F5: variants seen among roughly 807,000 people sequenced by gnomAD.
The protein encoded by F5 is coagulation factor V, also known as activated protein c cofactor.
Under a neutral mutation model 216.4 loss-of-function variants are expected in F5, and 138 were observed. The observed-to-expected ratio is 0.64, with a 90% CI of 0.56 to 0.73. The LOEUF (loss-of-function observed/expected upper bound fraction) is 0.73, where lower values mean the gene tolerates loss of function less well. Among genes scored for constraint, F5 ranks in the 30% least tolerant of loss-of-function variants. The pLI is 0.00. For missense variants in F5, 2,403 were observed against 2,674.0 expected, an observed-to-expected ratio of 0.90 and a Z score of 2.24; for synonymous variants, 916 against 930.7, an observed-to-expected ratio of 0.98 and a Z score of 0.29.
intron 21 of F5, among the ~76,000 whole-genome samples, chr1:169,521,821 A>C (rs921155427): frequency 1.3e-5 from 2 of 151,728 alleles, no homozygotes; most frequent in South Asian, 4.2e-4. Context: ...GGGTTTCACC[A>C]TGTTGGTCAG....
chr1:169,559,954 C>T (rs1386456015), intron 4 of F5, among the ~76,000 whole-genome samples: 1 of 152,042 alleles, frequency 6.6e-6, no homozygotes, highest in Non-Finnish European at 1.5e-5. Context: ...TGCTGTGGCT[C>T]ACTGTGGTTG....
Position 169,550,654 on chromosome 1 carries a change from GA to G in F5, c.1381del (p.Ser461LeufsTer11). ...AAGATTCAAACCTGAGGTGAAAGAAGAGTTGACTTCATCTTCATAAGGCGAG... is the reference window on the plus strand; with the variant it reads ...AAGATTCAAACCTGAGGTGAAAGAAGGTTGACTTCATCTTCATAAGGCGAG... ...TFSPYEDEVN[S>X]SFTSGRNNTM... On this transcript the variant is annotated frameshift_variant, in exon 9 of 25. Transcript: ENST00000367797. LOFTEE classifies it high-confidence loss of function. 1 of 1,613,248 alleles carries G rather than the reference GA, an allele frequency of 6.2e-7. No individual in the cohort carries two copies. The highest frequency in any genetic ancestry group is 8.5e-7 in the Non-Finnish European group (1 of 1,179,244).
At chr1:169,582,335 T>C (rs901625670) in intron 2 of F5, 96 bp downstream of exon 2, 54 of 672,590 alleles carry the variant, frequency 8.0e-5, no homozygotes, top group Non-Finnish European at 1.3e-4. Context: ...CACGTTTCTA[T>C]AAATTTTCAG....
intron 21 of F5, among the ~76,000 whole-genome samples, chr1:169,522,202 A>C (rs1571560092): frequency 6.6e-6 from 1 of 152,304 alleles, no homozygotes; most frequent in East Asian, 1.9e-4. Context: ...AAAACTGCCC[A>C]AAAAGAAATC....
Position 169,542,906 on chromosome 1 carries a change from G to A in F5, c.2184C>T (p.Asn728=), listed in dbSNP as rs1170120973. The change falls in exon 13 of 25, where the codon AAC becomes AAT. Residue 728 remains asparagine (N), a synonymous_variant. Transcript: ENST00000367797. The part of the protein sequence containing the change: ...EESDADYDYQ[N]RLAAALGIRS... ...TGATTCCTAATGCTGCAGCCAGTCT[G>A]TTCTGGTAATCATAGTCAGCATCAC... 1 of 1,614,092 alleles carries A rather than the reference G, an allele frequency of 6.2e-7. No homozygotes were observed. The highest frequency in any genetic ancestry group is 1.7e-5 in the Admixed American group (1 of 60,010).
At chr1:169,533,295 A>C (rs6670393) in intron 14 of F5, among the ~76,000 whole-genome samples, 37,446 of 152,106 alleles carry the variant, frequency 0.25, 4,799 homozygotes, top group Admixed American at 0.34. Context: ...TCAGACCTCA[A>C]ACTATAAGAA....
intron 2 of F5, among the ~76,000 whole-genome samples, chr1:169,578,834 T>C (rs1253357821): frequency 6.6e-6 from 1 of 152,208 alleles, no homozygotes; most frequent in Admixed American, 6.5e-5. Context: ...GTAGCCATTC[T>C]ACCTAAGGCC....
At chr1:169,560,143 A>G (rs1374875413) in intron 4 of F5, among the ~76,000 whole-genome samples, 1 of 152,156 alleles carries the variant, frequency 6.6e-6, no homozygotes, top group Non-Finnish European at 1.5e-5. Context: ...GTGTTTATAG[A>G]GCAAATTACC....
rs139014843 is a variant in F5, at chr1:169,542,663, T to C, written c.2427A>G (p.Pro809=). The C allele has an allele frequency of 4.2e-5, 67 of 1,613,972 alleles. No homozygotes were observed. Among genetic ancestry groups the C allele is most frequent in the Non-Finnish European group, 5.4e-5 (64 of 1,179,972 alleles). Residue 809 remains proline (P), a synonymous_variant, in exon 13 of 25, where the codon CCA becomes CCG. Transcript: ENST00000367797. ...SHQQATTAGS[P]LRHLIGKNSV... ...AGTTCTTGCCAATGAGGTGTCTCAGTGGGGAACCAGCTGTGGTGGCTTGTT... is the reference window on the plus strand; with the variant it reads ...AGTTCTTGCCAATGAGGTGTCTCAGCGGGGAACCAGCTGTGGTGGCTTGTT...
Position 169,528,093 on chromosome 1 carries a change from G to C in F5, c.5421C>G (p.Ala1807=), listed in dbSNP as rs781369269. ...SEMKKSHEFH[A]INGMIYSLPG... ...GCAAGCTGTAGATCATCCCATTAAT[G>C]GCTGAAAGGACAAAGAGTTGAAATC... The change falls in exon 17 of 25, where the codon GCC becomes GCG. Residue 1807 remains alanine (A), a splice_region_variant and synonymous_variant. Coordinates refer to ENST00000367797, the MANE Select transcript of F5 (RefSeq NM_000130.5). 6.2e-7 allele frequency: 1 copy of C among 1,613,712 alleles called. No homozygotes were observed. Among genetic ancestry groups the C allele is most frequent in the Non-Finnish European group, 8.5e-7 (1 of 1,179,748 alleles).
intron 10 of F5, among the ~76,000 whole-genome samples, chr1:169,547,380 G>T (rs1350192888): frequency 6.6e-6 from 1 of 152,138 alleles, no homozygotes; most frequent in Non-Finnish European, 1.5e-5. Flanking sequence ...CACAGCAAAA[G>T]AAACTATCAA....
chr1:169,547,673 T>A (rs1340851585), intron 10 of F5, among the ~76,000 whole-genome samples: 2 of 151,712 alleles, frequency 1.3e-5, no homozygotes, highest in Admixed American at 1.3e-4. Context: ...TGGCTATTAT[T>A]AAAAAGTCAA....
chr1:169,545,207 T>G (rs572968368), intron 11 of F5, among the ~76,000 whole-genome samples: 4 of 152,204 alleles, frequency 2.6e-5, no homozygotes, highest in Non-Finnish European at 1.5e-5. Flanking sequence ...ACTTTAATAA[T>G]TTACATGATG....
At chr1:169,577,929 C>A (rs116751968) in intron 2 of F5, among the ~76,000 whole-genome samples, 1 of 152,006 alleles carries the variant, frequency 6.6e-6, no homozygotes, top group Non-Finnish European at 1.5e-5. Context: ...AGGCTCATGA[C>A]TTTTTCAGGG....
rs374090395 is a variant in F5, at chr1:169,541,762, G to C, written c.3328C>G (p.Gln1110Glu). 3.7e-6 allele frequency: 6 copies of C among 1,614,004 alleles called. No individual in the cohort carries two copies. ...TAAAGACCTGGAGGACAGCTTGCCT[G>C]ACCAGTGTCATTTGAGGAATTCTGA... ...HNQNSSNDTGQASCPPGLYQT... is the reference protein window; with the variant it reads ...HNQNSSNDTGEASCPPGLYQT... The change falls in exon 13 of 25, where the codon CAG becomes GAG. Residue 1110 changes from glutamine (Q) to glutamate (E), a missense_variant. This residue lies in a region of F5 where 1,425 missense variants were observed against 1,554.8 expected (regional missense o/e 0.92). Coordinates refer to ENST00000367797, the MANE Select transcript of F5 (RefSeq NM_000130.5).
At chr1:169,517,670 G>A (rs943233061) in intron 23 of F5, among the ~76,000 whole-genome samples, 1 of 152,078 alleles carries the variant, frequency 6.6e-6, no homozygotes, top group African/African-American at 2.4e-5. Context: ...ATTACTCAGT[G>A]GGCTAATATC....
intron 3 of F5, among the ~76,000 whole-genome samples, chr1:169,567,558 T>A (rs1398471798): frequency 2.8e-5 from 4 of 144,444 alleles, no homozygotes; most frequent in African/African-American, 9.9e-5. Context: ...TTTTTTTTTT[T>A]TGGTAATAAG....
rs751942054 is a variant in F5 at position 169,582,470 on chromosome 1, G to T, written c.211C>A (p.Pro71Thr). ...FKKIVYREYE[P>T]YFKKEKPQST... ...TGTGGTTTTTCTTTCTTAAAATATGGTTCATACTCTCTGTAGACAATTTTC... is the reference window on the plus strand; with the variant it reads ...TGTGGTTTTTCTTTCTTAAAATATGTTTCATACTCTCTGTAGACAATTTTC... Residue 71 changes from proline (P) to threonine (T), a missense_variant, in exon 2 of 25, where the codon CCA (proline) becomes ACA (threonine). Pro to Thr is a conservative substitution (Grantham distance 38). Transcript: ENST00000367797. 5.1e-6 allele frequency: 8 copies of T among 1,557,578 alleles called. No homozygotes were observed. Among genetic ancestry groups the T allele is most frequent in the South Asian group, 2.3e-5 (2 of 88,060 alleles).
At chr1:169,580,523 A>G (rs913952850) in intron 2 of F5, among the ~76,000 whole-genome samples, 10 of 152,024 alleles carry the variant, frequency 6.6e-5, no homozygotes, top group African/African-American at 2.4e-4. Flanking sequence ...AGCTGGGACT[A>G]CAGGCATGTA....
Sources: gnomAD v4.1 joint callset for allele counts (sites outside exome capture counted in the v4.1 genomes callset) on GRCh38, gnomAD v4.1.1 for gene constraint, gnomAD v4.1.1 regional missense constraint, MANE v1.5 for transcripts, NCBI Gene and HGNC (gene_info 2026-07-23, HGNC 2026-07-21) for gene names.